Variants in ANKRD7 observed in about 807,000 individuals in gnomAD.
The protein encoded by ANKRD7 is ankyrin repeat domain 7.
Under a neutral mutation model 30.8 loss-of-function variants are expected in ANKRD7, and 30 were observed. The ratio of observed to expected loss-of-function variants is 0.97; its 90% CI spans 0.73 to 1.32. The LOEUF (loss-of-function observed/expected upper bound fraction) is 1.32, where lower values mean the gene tolerates loss of function less well. Among genes scored for constraint, ANKRD7 ranks in the 40% most tolerant of loss-of-function variants. ANKRD7 has a pLI of 0.00. For synonymous variants in ANKRD7, 97 were observed against 106.6 expected (o/e 0.91, Z 0.55); for missense variants, 264 against 295.7 (o/e 0.89, Z 0.79).
At chr7:118,232,272 T>A (rs1190732328) in intron 1 of ANKRD7, among the ~76,000 whole-genome samples, 3 of 152,102 alleles carry the variant, frequency 2.0e-5, no homozygotes, top group Admixed American at 2.0e-4. Flanking sequence ...ATAAAATGAA[T>A]GTAAATGTTA....
At chr7:118,242,241 C>T (rs373626413) in intron 6 of ANKRD7, 108 bp from the exon 7 acceptor site, 1 of 152,074 alleles carries the variant, frequency 6.6e-6, no homozygotes, top group Admixed American at 6.6e-5. Context: ...TATAGAAATG[C>T]TAAATTATAA....
At chr7:118,240,835 A>C (rs1282303077) in intron 6 of ANKRD7, among the ~76,000 whole-genome samples, 1 of 152,178 alleles carries the variant, frequency 6.6e-6, no homozygotes, top group East Asian at 1.9e-4. Context: ...CAACTAAAAT[A>C]AAATTTTGTT....
rs750600175 is a variant in ANKRD7 at position 118,234,701 on chromosome 7, G to A, written c.295G>A (p.Ala99Thr). ...DSENKSPLIK[A>T]VQCQNEDCAT... ...TCATCTACTCTTGTTGCATTAACAG[G>A]CAGTACAGTGTCAAAATGAGGATTG... is the stretch of plus-strand genomic sequence containing the variant. Residue 99 changes from alanine (A) to threonine (T), a missense_variant and splice_region_variant, in exon 3 of 7, where the codon GCA becomes ACA. Coordinates refer to ENST00000265224, the MANE Select transcript of ANKRD7 (RefSeq NM_019644.4). The A allele has an allele frequency of 6.2e-7, 1 of 1,605,802 alleles. No homozygotes were observed. The highest frequency in any genetic ancestry group is 8.5e-7 in the Non-Finnish European group (1 of 1,177,640).
intron 1 of ANKRD7, chr7:118,228,081 T>C: frequency 7.9e-7 from 1 of 1,273,190 alleles, no homozygotes; most frequent in East Asian, 5.6e-5. Context: ...ATTTGCCATA[T>C]CAGTGGTATT....
At position 118,236,021 on chromosome 7, in the gene ANKRD7, T is replaced by A. The variant is rs2116017331; in HGVS notation, c.469-20T>A. ...AAAATTTGCTACAATATTTTAATCA[T>A]TTTTAAATATTTTTTTCAGGATGGG... On this transcript the variant is annotated intron_variant, in intron 3 of 6. Coordinates refer to ENST00000265224, the MANE Select transcript of ANKRD7 (RefSeq NM_019644.4). 1 of 1,322,200 alleles carries A rather than the reference T, an allele frequency of 7.6e-7. No individual in the cohort carries two copies. Among genetic ancestry groups the A allele is most frequent in the East Asian group, 2.3e-5 (1 of 43,196 alleles). 81.9% of individuals were successfully genotyped at this position (1,322,200 alleles called of 1,614,324 possible).
Position 118,239,852 on chromosome 7 carries a change from T to C in ANKRD7, c.713-57T>C, listed in dbSNP as rs185347467. ...ACCTAAGGTTTTGATTTGATACTTATATGTTAGGAATTAAATTTCTATGCA... is the reference window on the plus strand; with the variant it reads ...ACCTAAGGTTTTGATTTGATACTTACATGTTAGGAATTAAATTTCTATGCA... On this transcript the variant is annotated intron_variant, in intron 5 of 6. Transcript: ENST00000265224. The C allele has an allele frequency of 5.7e-5, 68 of 1,200,490 alleles. No homozygotes were observed. The African/African-American group carries it at 7.7e-4, about 14-fold the overall frequency. The allele number at this position is 1,200,490 out of a possible 1,614,324, so 74.4% of individuals were successfully genotyped here. A position where few individuals can be genotyped will look rare whatever the true frequency, so the allele number is the denominator to read the frequency against.
chr7:118,234,827 G>C lies in ANKRD7; in HGVS notation c.421G>C (p.Val141Leu), dbSNP rs370589260. Reference sequence around the variant, plus strand: ...TGTTTGTGGTCAAAGTTTGTCATTAGTTGAAAAACTGCTTGAATACGAAGC... The same window carrying C: ...TGTTTGTGGTCAAAGTTTGTCATTACTTGAAAAACTGCTTGAATACGAAGC... ...YAVCGQSLSL[V>L]EKLLEYEADL... Residue 141 changes from valine (V) to leucine (L), a missense_variant, in exon 3 of 7, where the codon GTT (valine) becomes CTT (leucine). Physicochemically the swap from Val to Leu is conservative, Grantham distance 32 (BLOSUM62 1). Transcript: ENST00000265224. 2.5e-6 allele frequency: 4 copies of C among 1,610,826 alleles called. No homozygotes were observed. The African/African-American group carries it at 5.3e-5, about 22-fold the overall frequency.
At position 118,242,476 on chromosome 7, in the gene ANKRD7, T is replaced by C. The variant is rs1809862295; in HGVS notation, c.*165T>C. 1.4e-5 allele frequency: 2 copies of C among 140,774 alleles called. 1 individual carries two copies. The highest frequency in any genetic ancestry group is 4.3e-4 in the South Asian group (2 of 4,630). 8.7% of individuals were successfully genotyped at this position (140,774 alleles called of 1,614,324 possible). ...CCCAGTTGAAGAAAAGTTTGTTAAT[T>C]GGATGGGATTTTTTTTTTTTCACGT... is the stretch of plus-strand genomic sequence containing the variant. On this transcript the variant is annotated 3_prime_UTR_variant, in exon 7 of 7. Coordinates refer to ENST00000265224, the MANE Select transcript of ANKRD7 (RefSeq NM_019644.4).
In ANKRD7 at chr7:118,236,873, A is replaced by G. The variant is rs1328457438; in HGVS notation, c.659A>G (p.Glu220Gly). ...LLQQGVELCY[E>G]GIVDSQLRNM... ...CAGCAAGGTGTGGAATTATGTTACG[A>G]AGGTATTGTGGATTCACAGCTGAGG... Residue 220 changes from glutamate to glycine, a missense_variant, in exon 5 of 7, where the codon GAA (glutamate) becomes GGA (glycine). By Grantham distance (98) the Glu-to-Gly change is moderately conservative (BLOSUM62 -2). Coordinates refer to ENST00000265224, the MANE Select transcript of ANKRD7 (RefSeq NM_019644.4). The G allele has an allele frequency of 6.2e-7, 1 of 1,614,042 alleles. No individual in the cohort carries two copies. The highest frequency in any genetic ancestry group is 8.5e-7 in the Non-Finnish European group (1 of 1,179,930).
At chr7:118,228,489 A>G (rs988173045) in intron 1 of ANKRD7, among the ~76,000 whole-genome samples, 2 of 152,166 alleles carry the variant, frequency 1.3e-5, no homozygotes, top group African/African-American at 2.4e-5. Flanking sequence ...TGGGATATCA[A>G]CTGGCTTGCA....
intron 5 of ANKRD7, among the ~76,000 whole-genome samples, chr7:118,238,645 TC>T (rs1157832466): frequency 6.6e-6 from 1 of 152,212 alleles, no homozygotes; most frequent in East Asian, 1.9e-4. Context: ...GTGAAACACT[TC>T]CAAATGAAGG....
At chr7:118,230,436 A>C (rs556112901) in intron 1 of ANKRD7, among the ~76,000 whole-genome samples, 2 of 152,148 alleles carry the variant, frequency 1.3e-5, no homozygotes, top group South Asian at 2.1e-4. Flanking sequence ...AATCTAAAAA[A>C]AAAGGATAGT....
chr7:118,233,113 G>A (rs1809667814), intron 1 of ANKRD7, among the ~76,000 whole-genome samples: 1 of 152,084 alleles, frequency 6.6e-6, no homozygotes, highest in Non-Finnish European at 1.5e-5. Context: ...GGTAAGGATG[G>A]AATCACAGTA....
chr7:118,232,690 A>G, intron 1 of ANKRD7, among the ~76,000 whole-genome samples: 1 of 150,876 alleles, frequency 6.6e-6, no homozygotes, highest in Admixed American at 6.6e-5. Flanking sequence ...TTGGGAATCC[A>G]TTTACTTTCT....
At chr7:118,227,021 CT>C (rs1809555037) in intron 1 of ANKRD7, among the ~76,000 whole-genome samples, 1 of 152,106 alleles carries the variant, frequency 6.6e-6, no homozygotes, top group South Asian at 2.1e-4. Context: ...ATTTTGTTAG[CT>C]TTCATGTTAC....
chr7:118,235,405 G>T (rs1015547282), intron 3 of ANKRD7, among the ~76,000 whole-genome samples: 2 of 152,114 alleles, frequency 1.3e-5, no homozygotes, highest in Admixed American at 6.5e-5. Context: ...GAGGTCAGGA[G>T]ATCGAGACCA....
chr7:118,229,934 T>C (rs1022697233), intron 1 of ANKRD7, among the ~76,000 whole-genome samples: 3 of 152,132 alleles, frequency 2.0e-5, no homozygotes, highest in African/African-American at 7.2e-5. Context: ...AAAAACCAGA[T>C]GATCATCTCA....
chr7:118,226,719 A>C, intron 1 of ANKRD7, among the ~76,000 whole-genome samples: 1 of 152,306 alleles, frequency 6.6e-6, no homozygotes, highest in Non-Finnish European at 1.5e-5. Flanking sequence ...TGATATCTAC[A>C]TATATTTTAT....
intron 2 of ANKRD7, 24 bp from the exon 3 acceptor site, chr7:118,234,677 C>T (rs1296160928): frequency 2.5e-6 from 4 of 1,590,972 alleles, no homozygotes; most frequent in East Asian, 2.2e-5. Context: ...ATTGGTTACT[C>T]ATCTACTCTT....
Sources: gnomAD v4.1 joint callset for allele counts (sites outside exome capture counted in the v4.1 genomes callset) on GRCh38, gnomAD v4.1.1 for gene constraint, MANE v1.5 for transcripts, NCBI Gene and HGNC (gene_info 2026-07-23, HGNC 2026-07-21) for gene names.